Variants in PALM2AKAP2 observed in about 807,000 individuals in gnomAD.
PALM2AKAP2 encodes the protein PALM2 and AKAP2 fusion, also known as PALM2-AKAP2 fusion protein.
PALM2AKAP2 carries 37 observed loss-of-function variants against 71.5 expected under a neutral mutation model. The ratio of observed to expected loss-of-function variants is 0.52; its 90% confidence interval spans 0.40 to 0.68. PALM2AKAP2 has a LOEUF of 0.68. PALM2AKAP2 is among the 30% of genes least tolerant of loss of function. The pLI is 0.00. For synonymous variants in PALM2AKAP2, 468 were observed against 478.8 expected (o/e 0.98, Z 0.29); for missense variants, 1,224 against 1,191.8 (o/e 1.03, Z -0.40).
intron 1 of PALM2AKAP2, among the ~76,000 whole-genome samples, chr9:109,824,017 G>T (rs1189167523): frequency 6.6e-6 from 1 of 152,048 alleles, no homozygotes; most frequent in Non-Finnish European, 1.5e-5. Flanking sequence ...AGACTCCCAA[G>T]TATCTGGGAC....
intron 1 of PALM2AKAP2, among the ~76,000 whole-genome samples, chr9:109,846,024 C>T (rs1048123312): frequency 6.6e-6 from 1 of 152,286 alleles, no homozygotes; most frequent in Non-Finnish European, 1.5e-5. Context: ...GCAGAGAATA[C>T]ATTGATGTGA....
intron 1 of PALM2AKAP2, among the ~76,000 whole-genome samples, chr9:109,685,196 G>C (rs1827791082): frequency 2.0e-5 from 3 of 152,152 alleles, no homozygotes; most frequent in Admixed American, 2.0e-4. Flanking sequence ...TGTGGTGATA[G>C]AAATGTTCTG....
intron 1 of PALM2AKAP2, among the ~76,000 whole-genome samples, chr9:109,734,769 T>C (rs1828605005): frequency 6.6e-6 from 1 of 152,194 alleles, no homozygotes; most frequent in African/African-American, 2.4e-5. Context: ...CAATTTCCAA[T>C]GTGTTAGTAT....
At chr9:109,771,986 AAGTGGCCCTGCC>A (rs1325891430) in intron 1 of PALM2AKAP2, 1 of 152,342 alleles carries the variant, frequency 6.6e-6, no homozygotes, top group Non-Finnish European at 1.5e-5. Context: ...TTTGCAGCAG[AAGTGGCCCTGCC>A]AGCTGCCCTT....
At chr9:110,014,271 A>C (rs998455102) in intron 6 of PALM2AKAP2, among the ~76,000 whole-genome samples, 8 of 152,214 alleles carry the variant, frequency 5.3e-5, no homozygotes, top group African/African-American at 1.9e-4. Flanking sequence ...TAATGTAAAC[A>C]AATATTACAC....
chr9:109,682,793 T>G (rs1827755559), intron 1 of PALM2AKAP2, among the ~76,000 whole-genome samples: 1 of 152,254 alleles, frequency 6.6e-6, no homozygotes, highest in African/African-American at 2.4e-5. Context: ...CTTTGACTTC[T>G]TGCCTTTATT....
intron 2 of PALM2AKAP2, among the ~76,000 whole-genome samples, chr9:109,876,978 A>G (rs1366848204): frequency 6.6e-6 from 1 of 152,024 alleles, no homozygotes; most frequent in African/African-American, 2.4e-5. Context: ...GAGGGGCTAG[A>G]CCCTTCATGT....
chr9:109,924,957 G>T, intron 4 of PALM2AKAP2, 104 bp from the exon 5 acceptor site: 1 of 1,551,746 alleles, frequency 6.4e-7, no homozygotes, highest in Non-Finnish European at 8.9e-7. Context: ...CAAATTCTGG[G>T]CTGGGGCATG....
At chr9:110,068,451 G>A (rs189438747) in intron 1 of PALM2AKAP2, among the ~76,000 whole-genome samples, 2 of 149,206 alleles carry the variant, frequency 1.3e-5, no homozygotes, top group Non-Finnish European at 1.5e-5. Context: ...CTCTAGTGGT[G>A]GGTCTGAGGT....
exon 2 of PALM2AKAP2, chr9:110,137,284 G>A (rs537290530): frequency 1.2e-6 from 2 of 1,614,112 alleles, no homozygotes; most frequent in Non-Finnish European, 1.7e-6. Flanking sequence ...CACCCAGGCT[G>A]TTCTCCATCA....
intron 6 of PALM2AKAP2, among the ~76,000 whole-genome samples, chr9:109,974,318 G>A (rs544277649): frequency 1.3e-5 from 2 of 152,334 alleles, no homozygotes; most frequent in Admixed American, 6.5e-5. Context: ...TTGCTAACGG[G>A]ACTGGACAAA....
intron 2 of PALM2AKAP2, among the ~76,000 whole-genome samples, chr9:110,149,316 GCTC>G (rs377744851): frequency 1.8e-4 from 28 of 152,178 alleles, no homozygotes; most frequent in African/African-American, 5.8e-4. Flanking sequence ...TTCCTTCTGA[GCTC>G]CTCTGGGTAT....
chr9:109,746,737 T>TA (rs1388717888), intron 1 of PALM2AKAP2, among the ~76,000 whole-genome samples: 4 of 152,112 alleles, frequency 2.6e-5, no homozygotes, highest in African/African-American at 9.7e-5. Context: ...ACCACAACCC[T>TA]ATGAGATAGT....
chr9:110,096,727 A>G (rs1834848605), intron 1 of PALM2AKAP2, among the ~76,000 whole-genome samples: 1 of 151,218 alleles, frequency 6.6e-6, no homozygotes, highest in Admixed American at 6.6e-5. Context: ...CTAGAGGTGT[A>G]CAGTCTAGTG....
chr9:109,957,386 G>T (rs1386190498), intron 6 of PALM2AKAP2, among the ~76,000 whole-genome samples: 4 of 152,186 alleles, frequency 2.6e-5, no homozygotes, highest in Admixed American at 2.0e-4. Flanking sequence ...TGCCTCCTGG[G>T]CGTTAGCAAG....
chr9:109,892,700 G>A (rs1191127922), intron 3 of PALM2AKAP2, among the ~76,000 whole-genome samples: 3 of 152,112 alleles, frequency 2.0e-5, no homozygotes, highest in Non-Finnish European at 4.4e-5. Context: ...CTGGGTTCAA[G>A]TTCAGAATCT....
intron 1 of PALM2AKAP2, among the ~76,000 whole-genome samples, chr9:110,101,453 A>G (rs1470840057): frequency 1.3e-5 from 2 of 152,118 alleles, no homozygotes; most frequent in Non-Finnish European, 2.9e-5. Context: ...AGGGAAATAT[A>G]TTAATATCAG....
At chr9:109,735,288 C>T (rs1043532328) in intron 1 of PALM2AKAP2, among the ~76,000 whole-genome samples, 1 of 151,044 alleles carries the variant, frequency 6.6e-6, no homozygotes, top group African/African-American at 2.4e-5. Flanking sequence ...GCTTTTGGCC[C>T]ACCATCTTTT....
At chr9:109,669,690 A>C (rs1827545747) in intron 1 of PALM2AKAP2, among the ~76,000 whole-genome samples, 1 of 151,728 alleles carries the variant, frequency 6.6e-6, no homozygotes, top group African/African-American at 2.4e-5. Flanking sequence ...ATTTTTCAGG[A>C]AATTTTTGGT....
Sources: gnomAD v4.1 joint callset for allele counts (sites outside exome capture counted in the v4.1 genomes callset) on GRCh38, gnomAD v4.1.1 for gene constraint, MANE v1.5 for transcripts, NCBI Gene and HGNC (gene_info 2026-07-23, HGNC 2026-07-21) for gene names.